Variants in NELFB observed in about 807,000 individuals in gnomAD.
NELFB encodes the protein negative elongation factor B.
Under a neutral mutation model 60.2 loss-of-function variants are expected in NELFB, and 34 were observed. The observed-to-expected ratio is 0.56, with a 90% CI of 0.43 to 0.75. The LOEUF (loss-of-function observed/expected upper bound fraction) is 0.75. Ranked by LOEUF, NELFB falls within the 30% of genes least tolerant of loss-of-function variation. NELFB has a pLI of 0.00. For synonymous variants in NELFB, 459 were observed against 382.1 expected (o/e 1.20, Z -2.35); for missense variants, 770 against 831.6 (o/e 0.93, Z 0.91).
chr9:137,261,370 A>C (rs1830441694), intron 4 of NELFB, among the ~76,000 whole-genome samples: 1 of 149,736 alleles, frequency 6.7e-6, no homozygotes, highest in Non-Finnish European at 1.5e-5. Flanking sequence ...AAAAAAAAAA[A>C]AAACTGGGTC....
intron 2 of NELFB, 43 bp downstream of exon 2, chr9:137,256,113 C>A (rs914751461): frequency 6.3e-7 from 1 of 1,587,756 alleles, no homozygotes; most frequent in Non-Finnish European, 8.6e-7. Flanking sequence ...GTGCAGCCGG[C>A]CTCTCAGCCT....
At chr9:137,270,860 A>G (rs1830576276) in intron 10 of NELFB, among the ~76,000 whole-genome samples, 2 of 152,340 alleles carry the variant, frequency 1.3e-5, no homozygotes, top group East Asian at 3.9e-4. Context: ...TGGAGGTTGC[A>G]GTGAGCTGAG....
chr9:137,255,453 C>G lies in NELFB; in HGVS notation c.88C>G (p.Pro30Ala). ...GGCTTCTGGGGTGTCTGCGGCGGCG[C>G]CGGGGGAACGGGCTGGGGATGGGGC... The change falls in exon 1 of 13, where the codon CCG (proline) becomes GCG (alanine). Residue 30 changes from proline to alanine, a missense_variant. Physicochemically the swap from Pro to Ala is conservative, Grantham distance 27. Coordinates refer to ENST00000343053, the MANE Select transcript of NELFB (RefSeq NM_015456.5). The G allele has an allele frequency of 6.9e-7, 1 of 1,444,398 alleles. No homozygotes were observed. Among genetic ancestry groups the G allele is most frequent in the Non-Finnish European group, 9.2e-7 (1 of 1,091,084 alleles). 89.5% of individuals were successfully genotyped at this position (1,444,398 alleles called of 1,614,324 possible).
chr9:137,262,430 C>T (rs959756998), intron 4 of NELFB, among the ~76,000 whole-genome samples: 2 of 152,204 alleles, frequency 1.3e-5, no homozygotes, highest in African/African-American at 4.8e-5. Context: ...GCACTCTTGT[C>T]TTCTGGTCAC....
chr9:137,255,468 G>C lies in NELFB; in HGVS notation c.103G>C (p.Gly35Arg), dbSNP rs1402707606. Reference sequence around the variant, plus strand: ...TGCGGCGGCGCCGGGGGAACGGGCTGGGGATGGGGCGCCTAGCCGGGCGGT... The same window carrying C: ...TGCGGCGGCGCCGGGGGAACGGGCTCGGGATGGGGCGCCTAGCCGGGCGGT... The change falls in exon 1 of 13, where the codon GGG becomes CGG. Residue 35 changes from glycine to arginine, a missense_variant. Coordinates refer to ENST00000343053, the MANE Select transcript of NELFB (RefSeq NM_015456.5). 2.7e-6 allele frequency: 4 copies of C among 1,506,086 alleles called. No individual in the cohort carries two copies. The South Asian group carries it at 5.0e-5, about 19-fold the overall frequency. The allele number at this position is 1,506,086 out of a possible 1,614,324, so 93.3% of individuals were successfully genotyped here.
chr9:137,256,304 C>T (rs377372101), intron 2 of NELFB, 25 bp from the exon 3 acceptor site: 9 of 1,603,956 alleles, frequency 5.6e-6, no homozygotes, highest in Non-Finnish European at 7.7e-6. Flanking sequence ...CATCGCTGCA[C>T]CATCAATCCT....
At chr9:137,265,805 C>G (rs886143722) in intron 6 of NELFB, 72 bp from the exon 7 acceptor site, 251 of 993,720 alleles carry the variant, frequency 2.5e-4, no homozygotes, top group Non-Finnish European at 3.7e-4. Context: ...CTAGGCCACC[C>G]CTCCTGAGGA....
In NELFB at chr9:137,266,441, G is replaced by A; in HGVS notation, c.1239+15G>A. On this transcript the variant is annotated intron_variant, in intron 8 of 12. Transcript: ENST00000343053. ...AGCCCAAGATGGTAACGAGCCTCCT[G>A]TGGGGGCTGCCAGTTTCCTACGAGG... The A allele has an allele frequency of 1.2e-6, 2 of 1,604,870 alleles. No individual in the cohort carries two copies. The highest frequency in any genetic ancestry group is 1.7e-6 in the Non-Finnish European group (2 of 1,173,192).
chr9:137,271,788 G>A (rs1830586949), intron 10 of NELFB, among the ~76,000 whole-genome samples: 1 of 150,804 alleles, frequency 6.6e-6, no homozygotes, highest in Admixed American at 6.6e-5. Flanking sequence ...TCCCCGGGCT[G>A]TCTCCCCCTC....
Position 137,273,424 on chromosome 9 carries a change from G to C in NELFB, c.*496G>C, listed in dbSNP as rs1204338684. ...GGGAGCCACCTCACCCTGCAGCCCA[G>C]TTTGCAGGTGTGGCCTTGTTTCTCC... On this transcript the variant is annotated 3_prime_UTR_variant, in exon 13 of 13. Transcript: ENST00000343053. The C allele has an allele frequency of 6.5e-6, 1 of 155,038 alleles. No individual in the cohort carries two copies. Among genetic ancestry groups the C allele is most frequent in the Non-Finnish European group, 1.4e-5 (1 of 70,064 alleles). The allele number at this position is 155,038 out of a possible 1,614,324, so 9.6% of individuals were successfully genotyped here.
intron 4 of NELFB, among the ~76,000 whole-genome samples, chr9:137,262,053 C>G (rs1375061238): frequency 6.6e-6 from 1 of 152,148 alleles, no homozygotes; most frequent in Non-Finnish European, 1.5e-5. Flanking sequence ...TTAGTACTTT[C>G]ACTAATTGAC....
chr9:137,272,133 G>C lies in NELFB; in HGVS notation c.1542G>C (p.Thr514=). ...GCGACATCTTCCTCCACCTGCTCAC[G>C]GGCAACCTTGCGCTGCTGGCCGACG... The change falls in exon 11 of 13, where the codon ACG becomes ACC. Residue 514 remains threonine, a synonymous_variant. Coordinates refer to ENST00000343053, the MANE Select transcript of NELFB (RefSeq NM_015456.5). 6.2e-6 allele frequency: 10 copies of C among 1,614,160 alleles called. No homozygotes were observed. Among genetic ancestry groups the C allele is most frequent in the Non-Finnish European group, 8.5e-6 (10 of 1,180,022 alleles).
At chr9:137,265,302 C>T (rs543276368) in intron 6 of NELFB, among the ~76,000 whole-genome samples, 1 of 151,094 alleles carries the variant, frequency 6.6e-6, no homozygotes, top group South Asian at 2.1e-4. Context: ...TGAGCCACCA[C>T]ACCCAGCCTT....
intron 8 of NELFB, among the ~76,000 whole-genome samples, chr9:137,266,673 C>G (rs1377195951): frequency 6.6e-6 from 1 of 151,994 alleles, no homozygotes; most frequent in Non-Finnish European, 1.5e-5. Context: ...TCTCCGTGGA[C>G]CGTGGCTTGT....
chr9:137,258,329 G>T (rs1014005963), intron 4 of NELFB, among the ~76,000 whole-genome samples: 6 of 151,166 alleles, frequency 4.0e-5, no homozygotes, highest in Non-Finnish European at 7.4e-5. Context: ...TCGCTGTGTT[G>T]CCCAGGCTGG....
At chr9:137,262,016 G>A (rs1324733661) in intron 4 of NELFB, among the ~76,000 whole-genome samples, 2 of 152,080 alleles carry the variant, frequency 1.3e-5, no homozygotes, top group Admixed American at 6.5e-5. Flanking sequence ...AACAGCTTAC[G>A]CCGTTATTTC....
rs746541849 is a variant in NELFB at position 137,272,858 on chromosome 9, C to T, written c.1817C>T (p.Pro606Leu). The change falls in exon 13 of 13, where the codon CCG becomes CTG. Residue 606 changes from proline (P) to leucine (L), a missense_variant. Pro to Leu is a moderately conservative substitution (Grantham distance 98). Transcript: ENST00000343053. ...CAGCTGGATCACCGGAAGCCCAGCC[C>T]GGCACAGGCTGCGGAGACGCCGGCC... 75 of 1,549,672 alleles carry T rather than the reference C, an allele frequency of 4.8e-5. No homozygotes were observed. The highest frequency in any genetic ancestry group is 2.5e-4 in the South Asian group (21 of 83,990).
chr9:137,265,779 C>T (rs2118984900), intron 6 of NELFB, 98 bp from the exon 7 acceptor site: 1 of 792,002 alleles, frequency 1.3e-6, no homozygotes, highest in Non-Finnish European at 2.2e-6. Flanking sequence ...CACCCGCTGC[C>T]AGTCCTGAAT....
At position 137,272,984 on chromosome 9, in the gene NELFB, G is replaced by T. The variant is rs925041199; in HGVS notation, c.*56G>T. ...CCATGCCGAGTCGCGGCCCTGCTCA[G>T]CCGGAAGAGGCTCCCGGACCTGGAT... is the stretch of plus-strand genomic sequence containing the variant. On this transcript the variant is annotated 3_prime_UTR_variant, in exon 13 of 13. Coordinates refer to ENST00000343053, the MANE Select transcript of NELFB (RefSeq NM_015456.5). 6.9e-7 allele frequency: 1 copy of T among 1,450,502 alleles called. No individual in the cohort carries two copies. Among genetic ancestry groups the T allele is most frequent in the African/African-American group, 1.4e-5 (1 of 70,084 alleles). The allele number at this position is 1,450,502 out of a possible 1,614,324, so 89.9% of individuals were successfully genotyped here. A position where few individuals can be genotyped will look rare whatever the true frequency, so the allele number is the denominator to read the frequency against.
Sources: allele counts gnomAD v4.1 joint callset (sites outside exome capture counted in the v4.1 genomes callset), GRCh38; gene constraint gnomAD v4.1.1; transcripts MANE v1.5; gene names NCBI Gene and HGNC (gene_info 2026-07-23, HGNC 2026-07-21).